Variants in IL21R observed in about 807,000 individuals in gnomAD.
IL21R encodes interleukin-21 receptor.
A neutral mutation model predicts 41.3 loss-of-function variants in IL21R; 14 were observed. That is an observed-to-expected ratio of 0.34 (90% CI 0.22 to 0.53). The LOEUF is 0.53. IL21R is among the 20% of genes least tolerant of loss of function. The pLI is 0.94. For synonymous variants in IL21R, 286 were observed against 287.6 expected, an observed-to-expected ratio of 0.99 and a Z score of 0.05; for missense variants, 588 against 681.6, an observed-to-expected ratio of 0.86 and a Z score of 1.53.
intron 1 of IL21R, among the ~76,000 whole-genome samples, chr16:27,418,733 C>G (rs1486087583): frequency 6.6e-6 from 1 of 152,124 alleles, no homozygotes; most frequent in Non-Finnish European, 1.5e-5. Flanking sequence ...TTTGTAATAA[C>G]AGTTATCTTA....
chr16:27,415,252 C>G (rs544659639), intron 1 of IL21R, among the ~76,000 whole-genome samples: 189 of 152,224 alleles, frequency 1.2e-3, no homozygotes, highest in Admixed American at 2.6e-3. Context: ...GGGTGCCAAA[C>G]CACTGTGCCC....
In IL21R at chr16:27,444,700, C is replaced by A; in HGVS notation, c.666C>A (p.Ile222=). 6.6e-7 allele frequency: 1 copy of A among 1,513,616 alleles called. No individual in the cohort carries two copies. Among genetic ancestry groups the A allele is most frequent in the Non-Finnish European group, 8.8e-7 (1 of 1,131,036 alleles). 93.8% of individuals were successfully genotyped at this position (1,513,616 alleles called of 1,614,324 possible). The change falls in exon 6 of 9, where the codon ATC becomes ATA. Residue 222 remains isoleucine, a synonymous_variant. Transcript: ENST00000337929. ...GTWSEWSDPV[I]FQTQSEELKE... ...GGAGTGAATGGAGTGACCCGGTCAT[C>A]TTTCAGACCCAGTCAGAGGGTAGGT...
chr16:27,425,406 G>A (rs2141277976), intron 1 of IL21R, among the ~76,000 whole-genome samples: 1 of 152,316 alleles, frequency 6.6e-6, no homozygotes, highest in Non-Finnish European at 1.5e-5. Flanking sequence ...CCAGAAGTGA[G>A]CAGTTTATTT....
At position 27,449,361 on chromosome 16, in the gene IL21R, G is replaced by A; in HGVS notation, c.*78G>A. ...GACAAGGTCACCTGGGCTGTGATGT[G>A]AAGACACCTGCAGCCTTTGGTCTCC... is the stretch of plus-strand genomic sequence containing the variant. On this transcript the variant is annotated 3_prime_UTR_variant, in exon 9 of 9. Coordinates refer to ENST00000337929, the MANE Select transcript of IL21R (RefSeq NM_181078.3). 7.0e-7 allele frequency: 1 copy of A among 1,426,862 alleles called. No homozygotes were observed. 88.4% of individuals were successfully genotyped at this position (1,426,862 alleles called of 1,614,324 possible). A position where few individuals can be genotyped will look rare whatever the true frequency, so the allele number is the denominator to read the frequency against.
intron 1 of IL21R, among the ~76,000 whole-genome samples, chr16:27,404,990 G>A (rs1195215990): frequency 2.6e-5 from 4 of 152,048 alleles, no homozygotes; most frequent in African/African-American, 9.7e-5. Context: ...GCTGGGCACA[G>A]ATGGCTCATG....
chr16:27,440,193 C>G (rs1036749007), intron 4 of IL21R, among the ~76,000 whole-genome samples: 1 of 139,310 alleles, frequency 7.2e-6, no homozygotes, highest in Non-Finnish European at 1.5e-5. Context: ...TTTCTGGAGG[C>G]CTTGCAAGGT....
At chr16:27,412,482 G>A (rs970296726) in intron 1 of IL21R, among the ~76,000 whole-genome samples, 4 of 151,070 alleles carry the variant, frequency 2.6e-5, no homozygotes, top group East Asian at 1.9e-4. Context: ...GTCCCTTGAA[G>A]TTCCATATGA....
chr16:27,445,326 G>T (rs775030133), intron 7 of IL21R, 50 bp downstream of exon 7: 8 of 1,160,000 alleles, frequency 6.9e-6, no homozygotes, highest in African/African-American at 4.5e-5. Context: ...CTGGGCCACT[G>T]CCCCTGTATG....
intron 4 of IL21R, among the ~76,000 whole-genome samples, chr16:27,439,270 C>T (rs1251097936): frequency 6.6e-6 from 1 of 151,950 alleles, no homozygotes; most frequent in Non-Finnish European, 1.5e-5. Flanking sequence ...ACAGATGTCT[C>T]CCCAGCCCCA....
chr16:27,446,131 C>A (rs1245213569), intron 8 of IL21R, 43 bp downstream of exon 8: 1 of 1,536,506 alleles, frequency 6.5e-7, no homozygotes, highest in South Asian at 1.1e-5. Context: ...AGCCCCTCCT[C>A]CTCTTCAGGA....
In IL21R at chr16:27,437,583, T is replaced by A; in HGVS notation, c.248T>A (p.Met83Lys). ...ACGCATGCCACCTACACCTGCCACA[T>A]GGATGTATTCCACTTCATGGCCGAC... ...NATHATYTCH[M>K]DVFHFMADDI... The change falls in exon 4 of 9, where the codon ATG (methionine) becomes AAG (lysine). Residue 83 changes from methionine to lysine, a missense_variant. By Grantham distance (95) the Met-to-Lys change is moderately conservative. Coordinates refer to ENST00000337929, the MANE Select transcript of IL21R (RefSeq NM_181078.3). 6.2e-7 allele frequency: 1 copy of A among 1,614,248 alleles called. No individual in the cohort carries two copies. Among genetic ancestry groups the A allele is most frequent in the Non-Finnish European group, 8.5e-7 (1 of 1,180,032 alleles).
At chr16:27,402,718 C>T (rs1475163776) in intron 1 of IL21R, 100 bp downstream of exon 1, 4 of 184,058 alleles carry the variant, frequency 2.2e-5, no homozygotes, top group Non-Finnish European at 3.5e-5. Context: ...TGGGAGGGCT[C>T]GGAGGACTGT....
At chr16:27,434,964 A>G (rs997819449) in intron 3 of IL21R, among the ~76,000 whole-genome samples, 15 of 152,256 alleles carry the variant, frequency 9.9e-5, no homozygotes, top group African/African-American at 3.4e-4. Context: ...TCATTCATTC[A>G]TTCAAAACCA....
At position 27,446,097 on chromosome 16, in the gene IL21R, C is replaced by T. The variant is rs1401561548; in HGVS notation, c.867+9C>T. On this transcript the variant is annotated intron_variant, in intron 8 of 8. Transcript: ENST00000337929. ...GCAGCGGAGACTTCAAGGTGAGCTC[C>T]CGACCCTGTGATGAGCTCCTCGGAG... The T allele has an allele frequency of 9.9e-5, 159 of 1,611,510 alleles. No individual in the cohort carries two copies. In the East Asian group the frequency reaches 3.5e-3, roughly 36 times the overall value.
chr16:27,416,755 A>G (rs939856580), intron 1 of IL21R, among the ~76,000 whole-genome samples: 5 of 152,114 alleles, frequency 3.3e-5, no homozygotes, highest in African/African-American at 9.7e-5. Context: ...ACCTACATCC[A>G]TTGCTGTTAC....
intron 8 of IL21R, 144 bp downstream of exon 8, chr16:27,446,232 T>C: frequency 6.8e-6 from 4 of 585,762 alleles, no homozygotes; most frequent in Non-Finnish European, 6.0e-6. Context: ...AGGCCTCAGT[T>C]TCCCCATGTG....
Position 27,449,480 on chromosome 16 carries a change from T to C in IL21R, c.*197T>C. On this transcript the variant is annotated 3_prime_UTR_variant, in exon 9 of 9. Coordinates refer to ENST00000337929, the MANE Select transcript of IL21R (RefSeq NM_181078.3). ...TGCATGTGTGTGTGTGTGTGTGTCT[T>C]AGGTGCGCAGTGGCATGTCCACGTG... 1 of 597,776 alleles carries C rather than the reference T, an allele frequency of 1.7e-6. No homozygotes were observed. The highest frequency in any genetic ancestry group is 2.9e-6 in the Non-Finnish European group (1 of 345,854). 37.0% of individuals were successfully genotyped at this position (597,776 alleles called of 1,614,324 possible).
intron 6 of IL21R, 43 bp downstream of exon 6, chr16:27,444,762 A>G (rs201110450): frequency 1.2e-4 from 171 of 1,459,146 alleles, no homozygotes; most frequent in Non-Finnish European, 1.5e-4. Context: ...CTGGTATCAA[A>G]TTTTGTCCTG....
rs1185750106 is a variant in IL21R, at chr16:27,449,930, G to A, written c.*647G>A. 1.7e-5 allele frequency: 4 copies of A among 233,496 alleles called. No individual in the cohort carries two copies. Among genetic ancestry groups the A allele is most frequent in the Admixed American group, 1.7e-4 (3 of 17,840 alleles). The allele number at this position is 233,496 out of a possible 1,614,324, so 14.5% of individuals were successfully genotyped here. On this transcript the variant is annotated 3_prime_UTR_variant, in exon 9 of 9. Transcript: ENST00000337929. ...CTGATACCTTCTGGCTGTGCTACCT[G>A]AGCCAAGTCGCCTCCCCTCTCTGGG...
Sources: gnomAD v4.1 joint callset for allele counts (sites outside exome capture counted in the v4.1 genomes callset) on GRCh38, gnomAD v4.1.1 for gene constraint, MANE v1.5 for transcripts, NCBI Gene and HGNC (gene_info 2026-07-23, HGNC 2026-07-21) for gene names.